The following SLC35F4 variants were observed in gnomAD, a reference collection of about 807,000 sequenced individuals.
SLC35F4 encodes the protein chromosome 14 open reading frame 36.
Under a neutral mutation model 44.2 loss-of-function variants are expected in SLC35F4, and 24 were observed. That is an observed-to-expected ratio of 0.54 (90% CI 0.39 to 0.76). The LOEUF (loss-of-function observed/expected upper bound fraction) is 0.76, where lower values mean the gene tolerates loss of function less well. Among genes scored for constraint, SLC35F4 ranks in the 30% least tolerant of loss-of-function variants. The probability of loss-of-function intolerance (pLI) is 0.00; values close to 1 mark genes in which losing one functional copy is unlikely to be tolerated. For synonymous variants in SLC35F4, 238 were observed against 223.6 expected (o/e 1.06, Z -0.57); for missense variants, 562 against 586.1 (o/e 0.96, Z 0.42).
chr14:57,721,986 A>AGCTAG (rs975998441), intron 1 of SLC35F4, among the ~76,000 whole-genome samples: 2 of 117,988 alleles, frequency 1.7e-5, no homozygotes, highest in African/African-American at 6.3e-5. Flanking sequence ...CCAGATCTAT[A>AGCTAG]ACTAAAGTCC....
chr14:57,914,303 C>A (rs1360964932), intron 1 of SLC35F4, among the ~76,000 whole-genome samples: 1 of 152,180 alleles, frequency 6.6e-6, no homozygotes, highest in Non-Finnish European at 1.5e-5. Context: ...GTGGCTCACG[C>A]CTGTAATCCC....
chr14:57,839,113 C>T (rs1885235666), intron 1 of SLC35F4, among the ~76,000 whole-genome samples: 1 of 152,048 alleles, frequency 6.6e-6, no homozygotes, highest in African/African-American at 2.4e-5. Flanking sequence ...GGCCCCTGAC[C>T]TCTGGGGCTT....
intron 1 of SLC35F4, chr14:57,596,754 T>C (rs1566662930): frequency 2.2e-6 from 3 of 1,355,258 alleles, no homozygotes; most frequent in Non-Finnish European, 3.0e-6. Context: ...GTGATTTATC[T>C]TCCTTTCTCA....
chr14:57,837,445 C>T (rs1419290121), intron 1 of SLC35F4: 2 of 152,200 alleles, frequency 1.3e-5, no homozygotes, highest in Admixed American at 1.3e-4. Context: ...TCTCCTAGTG[C>T]TCCAATAGGG....
intron 1 of SLC35F4, among the ~76,000 whole-genome samples, chr14:57,910,368 A>T (rs966695931): frequency 1.3e-5 from 2 of 152,088 alleles, no homozygotes; most frequent in Non-Finnish European, 2.9e-5. Flanking sequence ...CTAAAATATT[A>T]TCATCATACC....
intron 1 of SLC35F4, among the ~76,000 whole-genome samples, chr14:57,952,907 G>A (rs1890166575): frequency 6.6e-6 from 1 of 152,018 alleles, no homozygotes; most frequent in Non-Finnish European, 1.5e-5. Context: ...AGCAAGATAA[G>A]CCAACATTCA....
At chr14:57,960,653 T>G (rs1170847045) in intron 1 of SLC35F4, among the ~76,000 whole-genome samples, 1 of 152,178 alleles carries the variant, frequency 6.6e-6, no homozygotes, top group Non-Finnish European at 1.5e-5. Context: ...GCAGGGGAAG[T>G]AACTTTATTT....
intron 1 of SLC35F4, among the ~76,000 whole-genome samples, chr14:57,952,146 G>T (rs1890153162): frequency 1.3e-5 from 2 of 152,144 alleles, no homozygotes; most frequent in Admixed American, 1.3e-4. Context: ...AGGCAGACAG[G>T]GTCTGGAGTG....
intron 1 of SLC35F4, chr14:57,630,580 A>G: frequency 1.0e-6 from 1 of 975,902 alleles, no homozygotes; most frequent in Non-Finnish European, 1.6e-6. Context: ...AAAAGGAATT[A>G]GGGAAAAAAA....
intron 1 of SLC35F4, among the ~76,000 whole-genome samples, chr14:57,793,122 A>C (rs2077968060): frequency 6.6e-6 from 1 of 152,140 alleles, no homozygotes; most frequent in Admixed American, 6.6e-5. Context: ...CACAAAACTT[A>C]CCAAATCCTG....
At chr14:57,886,366 CT>C (rs1888645039) in intron 1 of SLC35F4, among the ~76,000 whole-genome samples, 1 of 152,122 alleles carries the variant, frequency 6.6e-6, no homozygotes, top group Admixed American at 6.6e-5. Flanking sequence ...GAAGAATCTG[CT>C]TCCAAGCTCA....
intron 1 of SLC35F4, among the ~76,000 whole-genome samples, chr14:57,853,825 T>C (rs1886817337): frequency 6.6e-6 from 1 of 152,166 alleles, no homozygotes; most frequent in Non-Finnish European, 1.5e-5. Flanking sequence ...CAGGACCTGA[T>C]TTCAGCCTAT....
At chr14:57,768,938 C>A (rs942320565) in intron 1 of SLC35F4, among the ~76,000 whole-genome samples, 7 of 151,854 alleles carry the variant, frequency 4.6e-5, no homozygotes, top group African/African-American at 1.5e-4. Flanking sequence ...TTTTTAGTAG[C>A]GATAGGGTTT....
rs372066858 is a variant in SLC35F4 at position 57,654,033 on chromosome 14, G to C, written c.104-59909C>G. Among the ~76,000 whole-genome samples, 112 of 152,150 alleles carry C rather than the reference G, an allele frequency of 7.4e-4. 2 individuals carry two copies. The South Asian group carries it at 0.022, about 30-fold the overall frequency. ...TTCATCTTCACATGGTGCTCTACTTGTGTGCATGCCTGTTTCCAAATTTTC... is the reference window on the plus strand; with the variant it reads ...TTCATCTTCACATGGTGCTCTACTTCTGTGCATGCCTGTTTCCAAATTTTC... On this transcript the variant is annotated intron_variant, in intron 1 of 7. Coordinates refer to ENST00000556826, the MANE Select transcript of SLC35F4 (RefSeq NM_001306087.2).
chr14:57,583,592 A>G (rs2069461020), intron 3 of SLC35F4, among the ~76,000 whole-genome samples: 1 of 152,190 alleles, frequency 6.6e-6, no homozygotes, highest in African/African-American at 2.4e-5. Flanking sequence ...TCACTGGCAG[A>G]GCAGCTGGGA....
At position 57,644,461 on chromosome 14, in the gene SLC35F4, GT is replaced by G. The variant is rs36133820; in HGVS notation, c.104-50338del. The stretch of plus-strand genomic sequence containing the variant: ...ATATCCTTTGCCCACTTTTTGATGG[GT>G]TTTTTTTTTCCTTGTAAATTTGTTT... On this transcript the variant is annotated intron_variant, in intron 1 of 7. Coordinates refer to ENST00000556826, the MANE Select transcript of SLC35F4 (RefSeq NM_001306087.2). 1.5e-3 allele frequency among the ~76,000 whole-genome samples: 217 copies of G among 148,600 alleles called. 1 individual carries two copies. The highest frequency in any genetic ancestry group is 5.1e-3 in the African/African-American group (208 of 40,692).
intron 1 of SLC35F4, among the ~76,000 whole-genome samples, chr14:57,646,724 A>T (rs533891208): frequency 5.6e-4 from 85 of 152,020 alleles, no homozygotes; most frequent in African/African-American, 1.8e-3. Flanking sequence ...AGGGTGTCAA[A>T]TTTAGATCTT....
upstream of SLC35F4, among the ~76,000 whole-genome samples, chr14:57,983,016 G>A (rs1197303160): frequency 6.6e-6 from 1 of 152,234 alleles, no homozygotes; most frequent in Non-Finnish European, 1.5e-5. Flanking sequence ...GCCCCCAGAC[G>A]CTGGATGCTC....
chr14:57,752,588 G>T (rs57233452), intron 1 of SLC35F4, among the ~76,000 whole-genome samples: 3,574 of 152,030 alleles, frequency 0.024, 152 homozygotes, highest in East Asian at 0.17. Context: ...AGCCTCCCGA[G>T]TAACTGGGAC....
Sources: allele counts gnomAD v4.1 joint callset (sites outside exome capture counted in the v4.1 genomes callset), GRCh38; gene constraint gnomAD v4.1.1; transcripts MANE v1.5; gene names NCBI Gene and HGNC (gene_info 2026-07-23, HGNC 2026-07-21).